CYP4X1: variants seen among roughly 807,000 people sequenced by gnomAD.
The protein encoded by CYP4X1 is cytochrome P450 4X1.
CYP4X1 carries 44 observed loss-of-function variants against 57.9 expected under a neutral mutation model. The ratio of observed to expected loss-of-function variants is 0.76; its 90% CI spans 0.60 to 0.98. CYP4X1 has a LOEUF of 0.98. Among genes scored for constraint, CYP4X1 ranks in the 50% least tolerant of loss-of-function variants. The pLI, the probability that CYP4X1 is intolerant of heterozygous loss-of-function variation, is 0.00. For missense variants in CYP4X1, 532 were observed against 623.9 expected, an observed-to-expected ratio of 0.85 and a Z score of 1.57; for synonymous variants, 227 against 228.6, an observed-to-expected ratio of 0.99 and a Z score of 0.06.
At chr1:47,048,146 G>T (rs1644322688) in intron 9 of CYP4X1, among the ~76,000 whole-genome samples, 1 of 151,980 alleles carries the variant, frequency 6.6e-6, no homozygotes, top group South Asian at 2.1e-4. Flanking sequence ...CTACTTGGGG[G>T]ACTGAGGCAG....
upstream of CYP4X1, among the ~76,000 whole-genome samples, chr1:47,019,351 C>T (rs373181362): frequency 2.0e-5 from 3 of 152,218 alleles, no homozygotes; most frequent in South Asian, 6.2e-4. Context: ...TCTTCAGATT[C>T]CCAATAAAAC....
the CYP4X1 span, among the ~76,000 whole-genome samples, chr1:46,991,339 G>C: frequency 4.8e-3 from 730 of 152,272 alleles, 12 homozygotes; most frequent in East Asian, 0.045. Flanking sequence ...TAGCAGGGCT[G>C]TCACAAGGGG....
the CYP4X1 span, among the ~76,000 whole-genome samples, chr1:46,991,262 C>A: frequency 6.6e-6 from 1 of 152,242 alleles, no homozygotes; most frequent in East Asian, 1.9e-4. Context: ...TAAATTTTAT[C>A]AAGAAACGAG....
At chr1:46,984,453 C>A in the CYP4X1 span, among the ~76,000 whole-genome samples, 6 of 151,422 alleles carry the variant, frequency 4.0e-5, no homozygotes, top group East Asian at 9.7e-4. Flanking sequence ...TCCTGCAGCT[C>A]CCTGGGAGAT....
chr1:47,000,034 C>A, the CYP4X1 span, among the ~76,000 whole-genome samples: 1 of 151,902 alleles, frequency 6.6e-6, no homozygotes, highest in Non-Finnish European at 1.5e-5. Context: ...GGCTCTGTAC[C>A]CCTACTCAAA....
Position 47,050,090 on chromosome 1 carries a change from C to T in CYP4X1, c.1446C>T (p.Thr482=), listed in dbSNP as rs139663856. 2.7e-5 allele frequency: 43 copies of T among 1,613,924 alleles called. No homozygotes were observed. Among genetic ancestry groups the T allele is most frequent in the East Asian group, 4.5e-5 (2 of 44,892 alleles). ...LLHFRVTPDP[T]RPLTFPNHFI... ...ACTTCAGAGTGACTCCAGACCCCAC[C>T]AGGCCTCTTACTTTCCCCAACCATT... is the stretch of plus-strand genomic sequence containing the variant. The change falls in exon 12 of 12, where the codon ACC becomes ACT. Residue 482 remains threonine, a synonymous_variant. Coordinates refer to ENST00000371901, the MANE Select transcript of CYP4X1 (RefSeq NM_178033.2).
chr1:47,053,807 T>G (rs1334124340), downstream of CYP4X1, among the ~76,000 whole-genome samples: 1 of 152,228 alleles, frequency 6.6e-6, no homozygotes, highest in African/African-American at 2.4e-5. Flanking sequence ...CATTGTAGAT[T>G]CTGGATATTA....
intron 8 of CYP4X1, among the ~76,000 whole-genome samples, chr1:47,042,048 C>T (rs1273574829): frequency 1.3e-5 from 2 of 152,076 alleles, no homozygotes; most frequent in Non-Finnish European, 2.9e-5. Flanking sequence ...CCTTTCACCA[C>T]TGTATGTTAC....
intron 8 of CYP4X1, among the ~76,000 whole-genome samples, chr1:47,042,020 A>G (rs2202221): frequency 0.077 from 11,724 of 152,176 alleles, 553 homozygotes; most frequent in East Asian, 0.22. Context: ...TCTCAACACC[A>G]TTTATTGAAG....
the CYP4X1 span, among the ~76,000 whole-genome samples, chr1:46,991,073 G>A: frequency 0.035 from 5,207 of 149,896 alleles, 321 homozygotes; most frequent in African/African-American, 0.12. Flanking sequence ...GAGGCATCCC[G>A]TTAGTGGATC....
At chr1:46,973,840 C>T in the CYP4X1 span, among the ~76,000 whole-genome samples, 1 of 151,938 alleles carries the variant, frequency 6.6e-6, no homozygotes, top group Non-Finnish European at 1.5e-5. Context: ...AGCTGGTGGT[C>T]AGTCAATCTT....
chr1:47,002,020 G>A, the CYP4X1 span, among the ~76,000 whole-genome samples: 121 of 152,336 alleles, frequency 7.9e-4, no homozygotes, highest in African/African-American at 2.5e-3. Context: ...TCCAGGCAGC[G>A]TTCGTGATTT....
At chr1:47,021,142 C>CAAAAAAAA (rs546594827), upstream of CYP4X1, among the ~76,000 whole-genome samples, 3,466 of 47,438 alleles carry the variant, frequency 0.073, 793 homozygotes, top group East Asian at 0.33. Flanking sequence ...GCAGGAATGC[C>CAAAAAAAA]AAAAAAAAAA....
At chr1:47,026,051 G>A (rs11804802) in intron 1 of CYP4X1, among the ~76,000 whole-genome samples, 70 of 152,262 alleles carry the variant, frequency 4.6e-4, no homozygotes, top group African/African-American at 1.6e-3. Flanking sequence ...CTAACTCATG[G>A]ACACAGAGAG....
chr1:47,039,429 A>G lies in CYP4X1; in HGVS notation c.970A>G (p.Ser324Gly), dbSNP rs1644220617. ...GGCAGGACATGACACCTTGGCAGCA[A>G]GCATCTCCTGGATCCTTTACTGCCT... The part of the protein sequence containing the change: ...LLAGHDTLAA[S>G]ISWILYCLAL... The change falls in exon 8 of 12, where the codon AGC (serine) becomes GGC (glycine). Residue 324 changes from serine (S) to glycine (G), a missense_variant. By Grantham distance (56) the Ser-to-Gly change is moderately conservative. Coordinates refer to ENST00000371901, the MANE Select transcript of CYP4X1 (RefSeq NM_178033.2). 1 of 1,613,726 alleles carries G rather than the reference A, an allele frequency of 6.2e-7. No individual in the cohort carries two copies. Among genetic ancestry groups the G allele is most frequent in the South Asian group, 1.1e-5 (1 of 91,034 alleles).
the CYP4X1 span, chr1:46,967,907 G>T: frequency 2.1e-5 from 13 of 614,968 alleles, no homozygotes; most frequent in Non-Finnish European, 3.3e-5. Context: ...AGAGGCCTCA[G>T]TCCCCATTAT....
chr1:46,981,783 C>A, the CYP4X1 span, among the ~76,000 whole-genome samples: 8 of 152,146 alleles, frequency 5.3e-5, no homozygotes, highest in African/African-American at 1.9e-4. Context: ...ATATATACAC[C>A]ATGGAATACT....
chr1:47,039,010 A>G (rs1644216167), intron 7 of CYP4X1, among the ~76,000 whole-genome samples: 4 of 152,178 alleles, frequency 2.6e-5, no homozygotes, highest in Admixed American at 6.5e-5. Flanking sequence ...TCATATGGAT[A>G]CATGGATTTT....
downstream of CYP4X1, among the ~76,000 whole-genome samples, chr1:47,052,972 G>C (rs1446911204): frequency 1.3e-5 from 2 of 151,886 alleles, no homozygotes; most frequent in African/African-American, 4.8e-5. Flanking sequence ...CAATGTGCAG[G>C]TTTGTTACAT....
Sources: gnomAD v4.1 joint callset for allele counts (sites outside exome capture counted in the v4.1 genomes callset) on GRCh38, gnomAD v4.1.1 for gene constraint, MANE v1.5 for transcripts, NCBI Gene and HGNC (gene_info 2026-07-23, HGNC 2026-07-21) for gene names.